CRYL1: variants seen among roughly 807,000 people sequenced by gnomAD.
The protein encoded by CRYL1 is crystallin lambda 1, also known as lambda-crystallin homolog.
A neutral mutation model predicts 36.6 loss-of-function variants in CRYL1; 29 were observed. The observed-to-expected ratio is 0.79, with a 90% CI of 0.59 to 1.08. CRYL1 has a LOEUF of 1.08. CRYL1 is among the 50% of genes least tolerant of loss of function. CRYL1 has a pLI of 0.00. For synonymous variants in CRYL1, 152 were observed against 151.5 expected, an observed-to-expected ratio of 1.00 and a Z score of -0.02; for missense variants, 411 against 407.9, an observed-to-expected ratio of 1.01 and a Z score of -0.06.
intron 1 of CRYL1, among the ~76,000 whole-genome samples, chr13:20,518,729 G>A (rs972186753): frequency 6.6e-6 from 1 of 152,186 alleles, no homozygotes; most frequent in Non-Finnish European, 1.5e-5. Context: ...GCTGGTGCCC[G>A]ATGCGATGGG....
At chr13:20,506,541 A>C (rs1161405953) in intron 2 of CRYL1, among the ~76,000 whole-genome samples, 3 of 152,116 alleles carry the variant, frequency 2.0e-5, no homozygotes, top group East Asian at 1.9e-4. Context: ...TAAAAAAAAA[A>C]CAAAAAAACT....
At chr13:20,439,338 C>G (rs983861018) in intron 4 of CRYL1, among the ~76,000 whole-genome samples, 6 of 151,972 alleles carry the variant, frequency 3.9e-5, no homozygotes, top group African/African-American at 9.7e-5. Flanking sequence ...GATAAAAATC[C>G]AAGGAATTTT....
chr13:20,409,500 A>G (rs1486884064), intron 6 of CRYL1, among the ~76,000 whole-genome samples: 2 of 150,550 alleles, frequency 1.3e-5, no homozygotes, highest in Non-Finnish European at 3.0e-5. Flanking sequence ...AAACACCAAA[A>G]GCAATGGCAA....
Position 20,415,693 on chromosome 13 carries a change from T to G in CRYL1, c.634-2306A>C, listed in dbSNP as rs890106931. Among the ~76,000 whole-genome samples the G allele has an allele frequency of 1.3e-5, 2 of 152,230 alleles. No individual in the cohort carries two copies. The highest frequency in any genetic ancestry group is 4.8e-5 in the African/African-American group (2 of 41,468). ...TACAAAGCAAACGCTTGGCCTCGCC[T>G]GCCGCAGACTCCGCCCGCTTCTAGA... On this transcript the variant is annotated intron_variant, in intron 5 of 7. Transcript: ENST00000298248. The surrounding 1 kb of genome is among the most constrained non-coding windows in gnomAD (Gnocchi z 4.1).
At position 20,404,187 on chromosome 13, in the gene CRYL1, C is replaced by T. The variant is rs1555225541; in HGVS notation, c.902G>A (p.Trp301Ter). Reference sequence around the variant, plus strand: ...GAGTCTCATGAGGCACTCGTCCCTCCACTGCCTCCTGGCAGCTAAGTGCTC... The same window carrying T: ...GAGTCTCATGAGGCACTCGTCCCTCTACTGCCTCCTGGCAGCTAAGTGCTC... ...DPEHLAARRQWRDECLMRLAK... is the reference protein window; with the variant it reads ...DPEHLAARRQ The change falls in exon 8 of 8, where the codon TGG (tryptophan) becomes TAG (stop). Residue 301 changes from tryptophan (W) to a stop codon, truncating the protein, a stop_gained. Coordinates refer to ENST00000298248, the MANE Select transcript of CRYL1 (RefSeq NM_015974.3). LOFTEE classifies it high-confidence loss of function. 6.8e-6 allele frequency: 11 copies of T among 1,614,110 alleles called. No individual in the cohort carries two copies. The highest frequency in any genetic ancestry group is 9.3e-6 in the Non-Finnish European group (11 of 1,179,982).
intron 3 of CRYL1, among the ~76,000 whole-genome samples, chr13:20,458,617 ATTTTATACGC>A (rs1239130432): frequency 2.6e-5 from 4 of 152,232 alleles, no homozygotes; most frequent in African/African-American, 9.6e-5. Flanking sequence ...CTATTGAGAT[ATTTTATACGC>A]TTTTTAAAAA....
At chr13:20,456,252 T>C (rs2032679742) in intron 3 of CRYL1, among the ~76,000 whole-genome samples, 1 of 151,866 alleles carries the variant, frequency 6.6e-6, no homozygotes, top group Non-Finnish European at 1.5e-5. Flanking sequence ...GGCGGGCGTA[T>C]CACCTGAAGT....
intron 3 of CRYL1, among the ~76,000 whole-genome samples, chr13:20,469,104 C>T (rs1164479783): frequency 6.6e-6 from 1 of 152,168 alleles, no homozygotes; most frequent in African/African-American, 2.4e-5. Flanking sequence ...ATAGATACGA[C>T]CAACAACTTA....
Position 20,432,295 on chromosome 13 carries a change from A to G in CRYL1, c.440T>C (p.Val147Ala). Reference sequence around the variant, plus strand: ...CAGCGGGATGTAGTATGGCGGATTCACCTTAGGAGAGAGAGAGAAGTGGGG... The same window carrying G: ...CAGCGGGATGTAGTATGGCGGATTCGCCTTAGGAGAGAGAGAGAAGTGGGG... The part of the protein sequence containing the change: ...HVKQCIVAHP[V>A]NPPYYIPLVE... Residue 147 changes from valine to alanine, a missense_variant and splice_region_variant, in exon 5 of 8, where the codon GTG becomes GCG. Physicochemically the swap from Val to Ala is moderately conservative, Grantham distance 64 (BLOSUM62 0). Transcript: ENST00000298248. 6.3e-7 allele frequency: 1 copy of G among 1,598,810 alleles called. No homozygotes were observed. The highest frequency in any genetic ancestry group is 8.6e-7 in the Non-Finnish European group (1 of 1,168,772).
chr13:20,525,648 CG>C lies in CRYL1; in HGVS notation c.41+105del, dbSNP rs1271121270. 2 of 928,738 alleles carry C rather than the reference CG, an allele frequency of 2.2e-6. No individual in the cohort carries two copies. The highest frequency in any genetic ancestry group is 3.5e-5 in the East Asian group (1 of 28,274). 57.5% of individuals were successfully genotyped at this position (928,738 alleles called of 1,614,324 possible). A position where few individuals can be genotyped will look rare whatever the true frequency, so the allele number is the denominator to read the frequency against. On this transcript the variant is annotated intron_variant, in intron 1 of 7. Coordinates refer to ENST00000298248, the MANE Select transcript of CRYL1 (RefSeq NM_015974.3). The surrounding 1 kb of genome is among the most constrained non-coding windows in gnomAD (Gnocchi z 4.3). The stretch of plus-strand genomic sequence containing the variant: ...GGCTTCGGAGGACCGGAGGCCGGGG[CG>C]GGGACAGCGACCCGGCGCCCACCCC...
intron 1 of CRYL1, among the ~76,000 whole-genome samples, chr13:20,515,506 A>G (rs944315715): frequency 2.0e-5 from 3 of 152,112 alleles, no homozygotes; most frequent in African/African-American, 7.2e-5. Flanking sequence ...TGAGGGGGAA[A>G]CAAATGTCAC....
In CRYL1 at chr13:20,404,086, T is replaced by C. The variant is rs1388861963; in HGVS notation, c.*43A>G. The C allele has an allele frequency of 7.3e-7, 1 of 1,368,070 alleles. No individual in the cohort carries two copies. The highest frequency in any genetic ancestry group is 1.0e-6 in the Non-Finnish European group (1 of 956,630). The allele number at this position is 1,368,070 out of a possible 1,614,324, so 84.7% of individuals were successfully genotyped here. On this transcript the variant is annotated 3_prime_UTR_variant, in exon 8 of 8. Transcript: ENST00000298248. ...ATTAAGGGCTTGCAGTGTTCCCAAA[T>C]AGGGCCTCCAATGAGAGGAGTGGAA...
intron 2 of CRYL1, among the ~76,000 whole-genome samples, chr13:20,510,483 T>C (rs1032853290): frequency 3.9e-5 from 6 of 151,936 alleles, no homozygotes; most frequent in African/African-American, 9.7e-5. Context: ...TTGCCAGCGG[T>C]TGGGGGGAAG....
Position 20,459,223 on chromosome 13 carries a change from G to A in CRYL1, c.277-19469C>T, listed in dbSNP as rs556170816. ...TGTACTCCAGCCTGGGCGACAGAGC[G>A]AGACTCCATCTCAAAAAAAAAAAAA... On this transcript the variant is annotated intron_variant, in intron 3 of 7. Transcript: ENST00000298248. 3.9e-3 allele frequency among the ~76,000 whole-genome samples: 499 copies of A among 128,408 alleles called. 7 individuals are homozygous for A. The highest frequency in any genetic ancestry group is 0.014 in the African/African-American group (468 of 34,176). 84.2% of individuals were successfully genotyped at this position (128,408 alleles called of 152,430 possible). A position where few individuals can be genotyped will look rare whatever the true frequency, so the allele number is the denominator to read the frequency against.
intron 5 of CRYL1, chr13:20,427,027 T>C: frequency 1.0e-6 from 1 of 985,524 alleles, no homozygotes; most frequent in Non-Finnish European, 1.2e-6. Context: ...TGCAGATTCA[T>C]TCCCAGGCAC....
chr13:20,467,168 C>G (rs2032956218), intron 3 of CRYL1, among the ~76,000 whole-genome samples: 1 of 151,586 alleles, frequency 6.6e-6, no homozygotes, highest in African/African-American at 2.4e-5. Flanking sequence ...AGGATGGTCT[C>G]ACTCTCCTGA....
intron 2 of CRYL1, among the ~76,000 whole-genome samples, chr13:20,505,359 C>CAAAAAAAAAACAAAAAAAAA (rs2033775558): frequency 1.1e-5 from 1 of 91,222 alleles, no homozygotes. Context: ...TCTATCCCAC[C>CAAAAAAAAAACAAAAAAAAA]AAAAAAAAAA....
At chr13:20,484,349 T>C (rs1004782763) in intron 3 of CRYL1, among the ~76,000 whole-genome samples, 1 of 152,306 alleles carries the variant, frequency 6.6e-6, no homozygotes, top group Middle Eastern at 3.4e-3. Flanking sequence ...CTGCGGACTT[T>C]GGGAACCTCA....
intron 5 of CRYL1, among the ~76,000 whole-genome samples, chr13:20,418,045 G>A (rs2031713243): frequency 1.3e-5 from 2 of 152,200 alleles, no homozygotes; most frequent in Admixed American, 6.5e-5. Flanking sequence ...ACTCCAGGCA[G>A]GAACTACCCC....
Sources: gnomAD v4.1 joint callset for allele counts (sites outside exome capture counted in the v4.1 genomes callset) on GRCh38, gnomAD v4.1.1 for gene constraint, Gnocchi (gnomAD v3.1) non-coding constraint, MANE v1.5 for transcripts, NCBI Gene and HGNC (gene_info 2026-07-23, HGNC 2026-07-21) for gene names.